ME3: variants seen among roughly 807,000 people sequenced by gnomAD.
The protein encoded by ME3 is NADP-dependent malic enzyme, mitochondrial.
A neutral mutation model predicts 68.9 loss-of-function variants in ME3; 48 were observed. The ratio of observed to expected loss-of-function variants is 0.70; its 90% CI spans 0.55 to 0.89. The LOEUF is 0.89. Among genes scored for constraint, ME3 ranks in the 40% least tolerant of loss-of-function variants. The pLI, the probability that ME3 is intolerant of heterozygous loss-of-function variation, is 0.00. For missense variants in ME3, 675 were observed against 797.4 expected, an observed-to-expected ratio of 0.85 and a Z score of 1.85; for synonymous variants, 320 against 318.8, an observed-to-expected ratio of 1.00 and a Z score of -0.04.
At chr11:86,565,219 C>G (rs776258966) in intron 2 of ME3, among the ~76,000 whole-genome samples, 1 of 152,004 alleles carries the variant, frequency 6.6e-6, no homozygotes, top group Non-Finnish European at 1.5e-5. Flanking sequence ...ACACACCCCC[C>G]CTAGGAAACA....
At chr11:86,508,536 T>C (rs1953254517) in intron 5 of ME3, among the ~76,000 whole-genome samples, 1 of 152,218 alleles carries the variant, frequency 6.6e-6, no homozygotes, top group African/African-American at 2.4e-5. Context: ...TAGCAAGGAC[T>C]CAACACATGC....
intron 2 of ME3, among the ~76,000 whole-genome samples, chr11:86,567,992 G>A (rs181868454): frequency 1.3e-5 from 2 of 152,354 alleles, no homozygotes; most frequent in East Asian, 1.9e-4. Flanking sequence ...ACATGTACAA[G>A]TCAGAGGAGT....
At chr11:86,478,167 C>T (rs1414581575) in intron 7 of ME3, among the ~76,000 whole-genome samples, 3 of 151,954 alleles carry the variant, frequency 2.0e-5, no homozygotes, top group African/African-American at 7.3e-5. Context: ...TAAAGCCACG[C>T]TTCCTAGGAA....
intron 2 of ME3, among the ~76,000 whole-genome samples, chr11:86,661,786 GT>G (rs769825754): frequency 6.6e-5 from 10 of 152,066 alleles, no homozygotes; most frequent in African/African-American, 9.7e-5. Context: ...TTACTAACTG[GT>G]CCTCACTTGC....
chr11:86,460,618 G>A (rs564653849), intron 8 of ME3, among the ~76,000 whole-genome samples: 108 of 152,308 alleles, frequency 7.1e-4, no homozygotes, highest in Non-Finnish European at 1.4e-3. Flanking sequence ...CTGAGAATCT[G>A]TCTCCAGCTC....
chr11:86,662,400 C>G (rs1180152603), intron 2 of ME3, among the ~76,000 whole-genome samples: 1 of 151,728 alleles, frequency 6.6e-6, no homozygotes, highest in African/African-American at 2.4e-5. Context: ...ACCAGCCTGG[C>G]CAACATAACA....
chr11:86,492,472 T>C (rs981888355), intron 6 of ME3, among the ~76,000 whole-genome samples: 19 of 152,250 alleles, frequency 1.2e-4, no homozygotes, highest in Non-Finnish European at 8.8e-5. Context: ...TCATGGTTTC[T>C]AGACCAGGAC....
At chr11:86,511,894 C>T (rs1037720787) in intron 4 of ME3, among the ~76,000 whole-genome samples, 1 of 152,102 alleles carries the variant, frequency 6.6e-6, no homozygotes, top group Non-Finnish European at 1.5e-5. Flanking sequence ...ACCCATGACT[C>T]ATGACTCAAA....
intron 2 of ME3, among the ~76,000 whole-genome samples, chr11:86,657,406 G>A (rs1945967171): frequency 1.3e-5 from 2 of 150,862 alleles, no homozygotes; most frequent in Admixed American, 1.3e-4. Flanking sequence ...TTCATAAGTG[G>A]GAGTTGAACA....
chr11:86,550,945 A>G (rs1184672381), intron 4 of ME3, among the ~76,000 whole-genome samples: 1 of 151,900 alleles, frequency 6.6e-6, no homozygotes, highest in African/African-American at 2.4e-5. Flanking sequence ...TGTGTAATTC[A>G]TGTCCCAGGG....
intron 5 of ME3, among the ~76,000 whole-genome samples, chr11:86,501,761 C>T (rs1233714805): frequency 2.0e-5 from 3 of 152,224 alleles, no homozygotes; most frequent in Non-Finnish European, 4.4e-5. Flanking sequence ...TGTTAGTCAA[C>T]CACAGCCAAT....
chr11:86,618,423 C>T (rs1943127624), intron 2 of ME3, among the ~76,000 whole-genome samples: 2 of 150,092 alleles, frequency 1.3e-5, no homozygotes, highest in East Asian at 3.9e-4. Flanking sequence ...TCTTATAGAG[C>T]TAATACAAGG....
chr11:86,642,548 A>G (rs996344048), intron 2 of ME3, among the ~76,000 whole-genome samples: 3 of 152,204 alleles, frequency 2.0e-5, no homozygotes, highest in African/African-American at 7.2e-5. Context: ...TCTTAAAATA[A>G]AGATTTGCCA....
intron 10 of ME3, among the ~76,000 whole-genome samples, chr11:86,448,583 A>G (rs1949454299): frequency 6.6e-6 from 1 of 152,202 alleles, no homozygotes; most frequent in Non-Finnish European, 1.5e-5. Flanking sequence ...GAGTCTCACC[A>G]AGACCCTTTG....
intron 2 of ME3, among the ~76,000 whole-genome samples, chr11:86,564,124 A>T (rs575269582): frequency 6.6e-6 from 1 of 152,258 alleles, no homozygotes; most frequent in East Asian, 1.9e-4. Flanking sequence ...GATTTCTTTC[A>T]GCAGGGTTTT....
intron 2 of ME3, among the ~76,000 whole-genome samples, chr11:86,581,226 G>A (rs147320494): frequency 6.6e-6 from 1 of 152,200 alleles, no homozygotes; most frequent in Non-Finnish European, 1.5e-5. Context: ...GTGTATGTGT[G>A]TGTATACACA....
At chr11:86,498,007 G>C (rs1952475680) in exon 6 of ME3, 2 of 1,612,028 alleles carry the variant, frequency 1.2e-6, no homozygotes, top group African/African-American at 2.7e-5. Context: ...AGGCACTGCT[G>C]CGGGTTCACC....
At chr11:86,650,287 T>C (rs574186093) in intron 2 of ME3, among the ~76,000 whole-genome samples, 2 of 152,260 alleles carry the variant, frequency 1.3e-5, no homozygotes, top group South Asian at 2.1e-4. Flanking sequence ...CCCTTCCTTA[T>C]ACCTTATACA....
At chr11:86,605,411 C>CTTAAA (rs1303706021) in intron 2 of ME3, among the ~76,000 whole-genome samples, 8 of 152,136 alleles carry the variant, frequency 5.3e-5, no homozygotes, top group African/African-American at 2.4e-5. Flanking sequence ...AGGTATTGGT[C>CTTAAA]CTGAAAAGCA....
Sources: gnomAD v4.1 joint callset for allele counts (sites outside exome capture counted in the v4.1 genomes callset) on GRCh38, gnomAD v4.1.1 for gene constraint, MANE v1.5 for transcripts, NCBI Gene and HGNC (gene_info 2026-07-23, HGNC 2026-07-21) for gene names.